Variants in PACSIN3 observed in about 807,000 individuals in gnomAD.
PACSIN3 encodes protein kinase C and casein kinase substrate in neurons protein 3.
In PACSIN3, 34 loss-of-function variants were observed where a neutral mutation model predicts 56.1. That is an observed-to-expected ratio of 0.61 (90% CI 0.46 to 0.81). The LOEUF is 0.81. PACSIN3 is among the 30% of genes least tolerant of loss of function. PACSIN3 has a pLI of 0.00. For missense variants in PACSIN3, 535 were observed against 592.4 expected, an observed-to-expected ratio of 0.90 and a Z score of 1.01; for synonymous variants, 218 against 229.8, an observed-to-expected ratio of 0.95 and a Z score of 0.46.
chr11:47,179,661 C>A lies in PACSIN3; in HGVS notation c.604-75G>T. On this transcript the variant is annotated intron_variant, in intron 6 of 10. Coordinates refer to ENST00000298838, the MANE Select transcript of PACSIN3 (RefSeq NM_016223.5). The surrounding 1 kb of genome is among the most constrained non-coding windows in gnomAD (Gnocchi z 4.4). ...GGACTCCACCAGTGTTTACCAGACA[C>A]TGCCATAGGCTGCTAGACCCAGGGC... 1 of 1,442,208 alleles carries A rather than the reference C, an allele frequency of 6.9e-7. No individual in the cohort carries two copies. The allele number at this position is 1,442,208 out of a possible 1,614,324, so 89.3% of individuals were successfully genotyped here.
chr11:47,182,987 C>G lies in PACSIN3; in HGVS notation c.-38+17G>C, dbSNP rs181181120. 1 of 427,792 alleles carries G rather than the reference C, an allele frequency of 2.3e-6. No individual in the cohort carries two copies. Among genetic ancestry groups the G allele is most frequent in the Non-Finnish European group, 4.1e-6 (1 of 243,168 alleles). The allele number at this position is 427,792 out of a possible 1,614,324, so 26.5% of individuals were successfully genotyped here. On this transcript the variant is annotated intron_variant, in intron 2 of 10. Coordinates refer to ENST00000298838, the MANE Select transcript of PACSIN3 (RefSeq NM_016223.5). Reference sequence around the variant, plus strand: ...CCTCTCACTGCTCTGCACTTCCCCCCCCGCCCCCCCACATACCTGGGGCCT... The same window carrying G: ...CCTCTCACTGCTCTGCACTTCCCCCGCCGCCCCCCCACATACCTGGGGCCT...
In PACSIN3 at chr11:47,183,045, C is replaced by G. The variant is rs1042240181; in HGVS notation, c.-79G>C. 3 of 299,420 alleles carry G rather than the reference C, an allele frequency of 1.0e-5. No individual in the cohort carries two copies. The highest frequency in any genetic ancestry group is 5.2e-5 in the Admixed American group (1 of 19,072). The allele number at this position is 299,420 out of a possible 1,614,324, so 18.5% of individuals were successfully genotyped here. A position where few individuals can be genotyped will look rare whatever the true frequency, so the allele number is the denominator to read the frequency against. On this transcript the variant is annotated 5_prime_UTR_variant, in exon 2 of 11. Transcript: ENST00000298838. Reference sequence around the variant, plus strand: ...ACTTCAAGGACCCGGGTGTCCAACTCTCAATGCTGCCACCGTGACTCTGCC... The same window carrying G: ...ACTTCAAGGACCCGGGTGTCCAACTGTCAATGCTGCCACCGTGACTCTGCC...
In PACSIN3 at chr11:47,179,446, G is replaced by A. The variant is rs777102189; in HGVS notation, c.744C>T (p.Thr248=). The A allele has an allele frequency of 6.2e-7, 1 of 1,614,116 alleles. No homozygotes were observed. Among genetic ancestry groups the A allele is most frequent in the Non-Finnish European group, 8.5e-7 (1 of 1,180,038 alleles). The change falls in exon 7 of 11, where the codon ACC becomes ACT. Residue 248 remains threonine, a synonymous_variant. Coordinates refer to ENST00000298838, the MANE Select transcript of PACSIN3 (RefSeq NM_016223.5). The surrounding 1 kb of genome is among the most constrained non-coding windows in gnomAD (Gnocchi z 4.4). ...TGGAAAGGTCCAGGTGCTGGTGTAAGGTGAGCAGCATATCCTTGAAGAAAA... is the reference window on the plus strand; with the variant it reads ...TGGAAAGGTCCAGGTGCTGGTGTAAAGTGAGCAGCATATCCTTGAAGAAAA... ...RLLFFKDMLL[T]LHQHLDLSSS...
chr11:47,182,591 G>T, intron 3 of PACSIN3, 32 bp from the exon 4 acceptor site: 1 of 1,604,792 alleles, frequency 6.2e-7, no homozygotes. Context: ...GCCATCACCA[G>T]GGAGAAGCTT....
chr11:47,177,612 C>T lies in PACSIN3; in HGVS notation c.*319G>A, dbSNP rs190413875. 1.7e-5 allele frequency: 7 copies of T among 404,900 alleles called. No individual in the cohort carries two copies. The highest frequency in any genetic ancestry group is 1.2e-4 in the African/African-American group (6 of 48,596). The allele number at this position is 404,900 out of a possible 1,614,324, so 25.1% of individuals were successfully genotyped here. On this transcript the variant is annotated 3_prime_UTR_variant, in exon 11 of 11. Transcript: ENST00000298838. ...AGGGTGCTGCTAGGCCAGAACTACA[C>T]TCACCCCAAGCCCACCCCAGGAACC... is the stretch of plus-strand genomic sequence containing the variant.
At chr11:47,183,189 G>A (rs989270994) in intron 1 of PACSIN3, 120 bp from the exon 2 acceptor site, 1 of 153,376 alleles carries the variant, frequency 6.5e-6, no homozygotes, top group Non-Finnish European at 1.4e-5. Flanking sequence ...AGAATGCCAG[G>A]CAGGTCACAC....
At chr11:47,182,853 A>C (rs2135460965) in intron 2 of PACSIN3, 89 bp from the exon 3 acceptor site, 2 of 953,626 alleles carry the variant, frequency 2.1e-6, no homozygotes, top group South Asian at 1.7e-5. Flanking sequence ...GCCTCGCCCC[A>C]CTGCCATCCC....
intron 1 of PACSIN3, chr11:47,185,771 T>G (rs1459155455): frequency 6.6e-6 from 1 of 152,380 alleles, no homozygotes; most frequent in Non-Finnish European, 1.5e-5. Flanking sequence ...CAGGACCCCT[T>G]GCCGCCCGGA....
Position 47,178,161 on chromosome 11 carries a change from G to A in PACSIN3, c.1160-115C>T. 1.7e-6 allele frequency: 2 copies of A among 1,186,304 alleles called. No individual in the cohort carries two copies. The highest frequency in any genetic ancestry group is 2.4e-6 in the Non-Finnish European group (2 of 826,120). The allele number at this position is 1,186,304 out of a possible 1,614,324, so 73.5% of individuals were successfully genotyped here. The stretch of plus-strand genomic sequence containing the variant: ...CCCAGAGCCCAGCTAGCAAAGACAT[G>A]GCTCAGGCAGAGGCAGGTCAAGGTC... On this transcript the variant is annotated intron_variant, in intron 10 of 10. Coordinates refer to ENST00000298838, the MANE Select transcript of PACSIN3 (RefSeq NM_016223.5). The surrounding 1 kb of genome is among the most constrained non-coding windows in gnomAD (Gnocchi z 4.2).
In PACSIN3 at chr11:47,179,672, T is replaced by C; in HGVS notation, c.604-86A>G. ...GTGTTTACCAGACACTGCCATAGGC[T>C]GCTAGACCCAGGGCTAGCCACTAGG... On this transcript the variant is annotated intron_variant, in intron 6 of 10. Coordinates refer to ENST00000298838, the MANE Select transcript of PACSIN3 (RefSeq NM_016223.5). This position sits in a 1 kb window ranked among gnomAD's most constrained non-coding sequence, Gnocchi z 4.4. The C allele has an allele frequency of 1.4e-6, 2 of 1,381,222 alleles. No individual in the cohort carries two copies. Among genetic ancestry groups the C allele is most frequent in the South Asian group, 1.3e-5 (1 of 78,328 alleles). The allele number at this position is 1,381,222 out of a possible 1,614,324, so 85.6% of individuals were successfully genotyped here.
chr11:47,181,562 G>A (rs550728656), intron 4 of PACSIN3, among the ~76,000 whole-genome samples: 2 of 152,180 alleles, frequency 1.3e-5, no homozygotes, highest in East Asian at 3.9e-4. Flanking sequence ...GGTGGCTCAC[G>A]CCTGTAATCT....
At position 47,179,537 on chromosome 11, in the gene PACSIN3, G is replaced by A; in HGVS notation, c.653C>T (p.Pro218Leu). ...QTLAELHRYT[P>L]RYMEDMEQAF... ...CTGTTCCATGTCCTCCATGTAGCGT[G>A]GAGTGTAGCGATGCAGCTCTGCCAG... The change falls in exon 7 of 11, where the codon CCA becomes CTA. Residue 218 changes from proline to leucine, a missense_variant. Pro to Leu is a moderately conservative substitution (Grantham distance 98). Transcript: ENST00000298838. The surrounding 1 kb of genome is among the most constrained non-coding windows in gnomAD (Gnocchi z 4.4). 1 of 1,613,912 alleles carries A rather than the reference G, an allele frequency of 6.2e-7. No homozygotes were observed. The highest frequency in any genetic ancestry group is 8.5e-7 in the Non-Finnish European group (1 of 1,180,034).
At chr11:47,180,896 G>A (rs1455829219) in intron 4 of PACSIN3, among the ~76,000 whole-genome samples, 4 of 152,230 alleles carry the variant, frequency 2.6e-5, no homozygotes, top group Non-Finnish European at 5.9e-5. Flanking sequence ...TGAGGACAGC[G>A]ACATTGCCAA....
chr11:47,179,338 C>G lies in PACSIN3; in HGVS notation c.780-59G>C. On this transcript the variant is annotated intron_variant, in intron 7 of 10. Transcript: ENST00000298838. The surrounding 1 kb of genome is among the most constrained non-coding windows in gnomAD (Gnocchi z 4.4). ...GTCTAGACCCTGCATCCCTCAGTCC[C>G]AGCCAGGGCCTCGGGGAGATGGAGG... 1 of 1,613,472 alleles carries G rather than the reference C, an allele frequency of 6.2e-7. No individual in the cohort carries two copies. Among genetic ancestry groups the G allele is most frequent in the African/African-American group, 1.3e-5 (1 of 75,048 alleles).
At position 47,182,990 on chromosome 11, in the gene PACSIN3, G is replaced by GC. The variant is rs1041191034; in HGVS notation, c.-38+13dup. 30 of 370,366 alleles carry GC rather than the reference G, an allele frequency of 8.1e-5. No homozygotes were observed. The highest frequency in any genetic ancestry group is 1.0e-4 in the Admixed American group (2 of 19,406). 22.9% of individuals were successfully genotyped at this position (370,366 alleles called of 1,614,324 possible). A position where few individuals can be genotyped will look rare whatever the true frequency, so the allele number is the denominator to read the frequency against. On this transcript the variant is annotated intron_variant, in intron 2 of 10. Coordinates refer to ENST00000298838, the MANE Select transcript of PACSIN3 (RefSeq NM_016223.5). ...CTCACTGCTCTGCACTTCCCCCCCC[G>GC]CCCCCCCACATACCTGGGGCCTAGA...
At position 47,179,696 on chromosome 11, in the gene PACSIN3, G is replaced by A. The variant is rs757281776; in HGVS notation, c.604-110C>T. Reference sequence around the variant, plus strand: ...CTGCTAGACCCAGGGCTAGCCACTAGGGGCAATCAGTCCCAAGACCCAGCT... The same window carrying A: ...CTGCTAGACCCAGGGCTAGCCACTAAGGGCAATCAGTCCCAAGACCCAGCT... On this transcript the variant is annotated intron_variant, in intron 6 of 10. Transcript: ENST00000298838. The surrounding 1 kb of genome is among the most constrained non-coding windows in gnomAD (Gnocchi z 4.4). The A allele has an allele frequency of 4.6e-5, 48 of 1,037,518 alleles. No individual in the cohort carries two copies. The highest frequency in any genetic ancestry group is 5.7e-5 in the Non-Finnish European group (41 of 724,560). The allele number at this position is 1,037,518 out of a possible 1,614,324, so 64.3% of individuals were successfully genotyped here.
chr11:47,183,922 T>G (rs896808432), intron 1 of PACSIN3, among the ~76,000 whole-genome samples: 1 of 151,672 alleles, frequency 6.6e-6, no homozygotes, highest in African/African-American at 2.4e-5. Flanking sequence ...CTTAGGAGGC[T>G]GAGGCATGAG....
Position 47,177,648 on chromosome 11 carries a change from G to C in PACSIN3, c.*283C>G, listed in dbSNP as rs1554970183. On this transcript the variant is annotated 3_prime_UTR_variant, in exon 11 of 11. Coordinates refer to ENST00000298838, the MANE Select transcript of PACSIN3 (RefSeq NM_016223.5). ...CCCACCCCAGGAACCCCAAAGCAGA[G>C]GTCAGGAACTGAGTCCACAGCTCCT... The C allele has an allele frequency of 2.1e-6, 1 of 480,350 alleles. No homozygotes were observed. Among genetic ancestry groups the C allele is most frequent in the South Asian group, 2.5e-5 (1 of 39,558 alleles). 29.8% of individuals were successfully genotyped at this position (480,350 alleles called of 1,614,324 possible).
At position 47,179,544 on chromosome 11, in the gene PACSIN3, A is replaced by G; in HGVS notation, c.646T>C (p.Tyr216His). 6.2e-7 allele frequency: 1 copy of G among 1,613,866 alleles called. No individual in the cohort carries two copies. The change falls in exon 7 of 11, where the codon TAC (tyrosine) becomes CAC (histidine). Residue 216 changes from tyrosine to histidine, a missense_variant. Physicochemically the swap from Tyr to His is moderately conservative, Grantham distance 83. Transcript: ENST00000298838. This position sits in a 1 kb window ranked among gnomAD's most constrained non-coding sequence, Gnocchi z 4.4. ...ATGTCCTCCATGTAGCGTGGAGTGT[A>G]GCGATGCAGCTCTGCCAGCGTCTGC... ...YEQTLAELHR[Y>H]TPRYMEDMEQ...
Sources: gnomAD v4.1 joint callset for allele counts (sites outside exome capture counted in the v4.1 genomes callset) on GRCh38, gnomAD v4.1.1 for gene constraint, Gnocchi (gnomAD v3.1) non-coding constraint, MANE v1.5 for transcripts, NCBI Gene and HGNC (gene_info 2026-07-23, HGNC 2026-07-21) for gene names.